GFRA2: variants seen among roughly 807,000 people sequenced by gnomAD.
GFRA2 encodes GDNF family receptor alpha 2, also known as GDNF family receptor alpha-2.
A neutral mutation model predicts 48.3 loss-of-function variants in GFRA2; 17 were observed. That is an observed-to-expected ratio of 0.35 (90% CI 0.24 to 0.53). The LOEUF is 0.53. Ranked by LOEUF, GFRA2 falls within the 20% of genes least tolerant of loss-of-function variation. The pLI is 0.93. For synonymous variants in GFRA2, 305 were observed against 257.2 expected (o/e 1.19, Z -1.78); for missense variants, 660 against 637.3 (o/e 1.04, Z -0.38).
chr8:21,748,073 C>T (rs1805099597), intron 4 of GFRA2, among the ~76,000 whole-genome samples: 1 of 152,142 alleles, frequency 6.6e-6, no homozygotes, highest in Non-Finnish European at 1.5e-5. Flanking sequence ...GCCCAGACTC[C>T]CTCCTGAGCT....
chr8:21,715,899 G>A (rs1398189379), intron 4 of GFRA2, among the ~76,000 whole-genome samples: 1 of 152,214 alleles, frequency 6.6e-6, no homozygotes, highest in Non-Finnish European at 1.5e-5. Context: ...GAGAACGAGA[G>A]AGAGAGAGAC....
chr8:21,728,269 T>TTG (rs1803987547), intron 4 of GFRA2, among the ~76,000 whole-genome samples: 1 of 131,040 alleles, frequency 7.6e-6, no homozygotes, highest in African/African-American at 2.8e-5. Flanking sequence ...AACCAGGTTT[T>TTG]TTTTTTTTTT....
chr8:21,738,741 C>T (rs1277868170), intron 4 of GFRA2, among the ~76,000 whole-genome samples: 1 of 152,142 alleles, frequency 6.6e-6, no homozygotes, highest in African/African-American at 2.4e-5. Flanking sequence ...ACATCACCTC[C>T]AAGAGGCCTT....
At chr8:21,706,336 C>T in intron 4 of GFRA2, 3 of 535,648 alleles carry the variant, frequency 5.6e-6, no homozygotes, top group South Asian at 1.5e-5. Flanking sequence ...CTCTAAATGG[C>T]TCTTTTAGGC....
intron 7 of GFRA2, among the ~76,000 whole-genome samples, chr8:21,695,930 T>G (rs1802143645): frequency 6.6e-6 from 1 of 152,088 alleles, no homozygotes; most frequent in African/African-American, 2.4e-5. Context: ...CAGCGTCACT[T>G]CCTACTCTCA....
At chr8:21,722,388 G>A (rs1803643159) in intron 4 of GFRA2, among the ~76,000 whole-genome samples, 1 of 152,208 alleles carries the variant, frequency 6.6e-6, no homozygotes, top group African/African-American at 2.4e-5. Context: ...GCTGATGCAA[G>A]ATGAAAAATA....
intron 4 of GFRA2, among the ~76,000 whole-genome samples, chr8:21,723,520 G>A (rs917920037): frequency 6.6e-6 from 1 of 152,194 alleles, no homozygotes; most frequent in Non-Finnish European, 1.5e-5. Context: ...AAAAATAAAA[G>A]AGATTCCCCA....
At chr8:21,718,741 T>C (rs1401117058) in intron 4 of GFRA2, among the ~76,000 whole-genome samples, 2 of 152,170 alleles carry the variant, frequency 1.3e-5, no homozygotes, top group Non-Finnish European at 2.9e-5. Context: ...TTCTCTGACA[T>C]TGGAATCATT....
chr8:21,790,454 G>A (rs1004666288), upstream of GFRA2, among the ~76,000 whole-genome samples: 4 of 152,264 alleles, frequency 2.6e-5, no homozygotes, highest in African/African-American at 9.6e-5. Context: ...GGACGAGAAG[G>A]GAGGGGTCAC....
chr8:21,761,957 A>C (rs1050518943), intron 3 of GFRA2, among the ~76,000 whole-genome samples: 1 of 151,766 alleles, frequency 6.6e-6, no homozygotes, highest in Non-Finnish European at 1.5e-5. Flanking sequence ...GTCTAAAAAA[A>C]TTAAAAAAAT....
chr8:21,796,382 C>T (rs1011444702), intron 2 of GFRA2, among the ~76,000 whole-genome samples: 67 of 152,340 alleles, frequency 4.4e-4, no homozygotes, highest in East Asian at 1.5e-3. Context: ...CTTGGGGAGC[C>T]GGCTCCTGCT....
upstream of GFRA2, among the ~76,000 whole-genome samples, chr8:21,791,791 G>A (rs1213223701): frequency 2.6e-5 from 4 of 152,198 alleles, no homozygotes; most frequent in East Asian, 7.7e-4. Flanking sequence ...CTATGACAAG[G>A]CAATAAAACC....
chr8:21,753,118 T>C (rs1322140054), intron 3 of GFRA2, among the ~76,000 whole-genome samples: 3 of 152,020 alleles, frequency 2.0e-5, no homozygotes, highest in African/African-American at 7.3e-5. Context: ...ATTCCCCAGC[T>C]CATTCGGGGG....
In GFRA2 at chr8:21,702,884, T is replaced by C; in HGVS notation, c.1139A>G (p.Lys380Arg). 3 of 1,607,606 alleles carry C rather than the reference T, an allele frequency of 1.9e-6. No individual in the cohort carries two copies. Among genetic ancestry groups the C allele is most frequent in the Non-Finnish European group, 2.5e-6 (3 of 1,176,960 alleles). Reference protein sequence around the residue: ...FQATQAPRVEKTPSLPDDLSD... With the variant: ...FQATQAPRVERTPSLPDDLSD... ...GAGGTCATCTGGCAAAGAAGGCGTC[T>C]TCTCCACCCGAGGGGCCTGGGTGGC... Residue 380 changes from lysine to arginine, a missense_variant, in exon 7 of 9, where the codon AAG (lysine) becomes AGG (arginine). Coordinates refer to ENST00000524240, the MANE Select transcript of GFRA2 (RefSeq NM_001495.5).
intron 4 of GFRA2, among the ~76,000 whole-genome samples, chr8:21,724,138 G>C (rs1803739979): frequency 6.6e-6 from 1 of 152,144 alleles, no homozygotes; most frequent in Non-Finnish European, 1.5e-5. Flanking sequence ...CTGACCCCAG[G>C]CTCTAGGGAA....
intron 1 of GFRA2, chr8:21,783,223 T>A (rs1346799277): frequency 4.1e-6 from 2 of 491,816 alleles, no homozygotes; most frequent in African/African-American, 3.9e-5. Context: ...GAGGAGAATG[T>A]CACAGCCTCA....
At chr8:21,789,602 G>A (rs1166015840), upstream of GFRA2, among the ~76,000 whole-genome samples, 1 of 152,040 alleles carries the variant, frequency 6.6e-6, no homozygotes, top group Non-Finnish European at 1.5e-5. Flanking sequence ...CCCCTTCGGC[G>A]CCGGCCCCGC....
chr8:21,705,198 C>A, intron 5 of GFRA2, 73 bp from the exon 6 acceptor site: 2 of 1,493,228 alleles, frequency 1.3e-6, no homozygotes, highest in East Asian at 4.7e-5. Context: ...CAGACCAACC[C>A]CAGGCACAGC....
intron 3 of GFRA2, among the ~76,000 whole-genome samples, chr8:21,770,905 C>G (rs1806405642): frequency 6.6e-6 from 1 of 152,238 alleles, no homozygotes; most frequent in Non-Finnish European, 1.5e-5. Flanking sequence ...TCCACCCTCT[C>G]CTGCCTCCCC....
Sources: allele counts gnomAD v4.1 joint callset (sites outside exome capture counted in the v4.1 genomes callset), GRCh38; gene constraint gnomAD v4.1.1; transcripts MANE v1.5; gene names NCBI Gene and HGNC (gene_info 2026-07-23, HGNC 2026-07-21).